The following TRAK2 variants were observed in gnomAD, a reference collection of about 807,000 sequenced individuals.
The protein encoded by TRAK2 is trafficking kinesin-binding protein 2.
TRAK2 carries 81 observed loss-of-function variants against 104.6 expected under a neutral mutation model. The observed-to-expected ratio is 0.77, with a 90% confidence interval of 0.65 to 0.93. The LOEUF (loss-of-function observed/expected upper bound fraction) is 0.93, where lower values mean the gene tolerates loss of function less well. Among genes scored for constraint, TRAK2 ranks in the 40% least tolerant of loss-of-function variants. The probability of loss-of-function intolerance (pLI) is 0.00; values close to 1 mark genes in which losing one functional copy is unlikely to be tolerated. For missense variants in TRAK2, 1,002 were observed against 1,089.0 expected, an observed-to-expected ratio of 0.92 and a Z score of 1.12; for synonymous variants, 406 against 394.4, an observed-to-expected ratio of 1.03 and a Z score of -0.35.
intron 1 of TRAK2, among the ~76,000 whole-genome samples, chr2:201,424,473 C>T (rs1208913717): frequency 6.6e-6 from 1 of 152,018 alleles, no homozygotes; most frequent in Non-Finnish European, 1.5e-5. Flanking sequence ...GCAAATCATG[C>T]ACTCGTTTGT....
At chr2:201,405,021 A>G (rs1951581231) in intron 3 of TRAK2, among the ~76,000 whole-genome samples, 2 of 152,192 alleles carry the variant, frequency 1.3e-5, no homozygotes, top group Admixed American at 6.5e-5. Context: ...AGACCATTTG[A>G]ATGACAATTT....
At chr2:201,420,211 T>C (rs1021798603) in intron 2 of TRAK2, among the ~76,000 whole-genome samples, 4 of 152,090 alleles carry the variant, frequency 2.6e-5, no homozygotes, top group African/African-American at 7.2e-5. Flanking sequence ...GAGTCCGACA[T>C]AGACAGGAAA....
intron 3 of TRAK2, among the ~76,000 whole-genome samples, chr2:201,405,952 C>T (rs1002995729): frequency 1.3e-5 from 2 of 152,166 alleles, no homozygotes; most frequent in East Asian, 1.9e-4. Context: ...CCACTATACT[C>T]CAGCCTGGGC....
intron 9 of TRAK2, among the ~76,000 whole-genome samples, chr2:201,393,248 T>C (rs928472676): frequency 6.6e-6 from 1 of 152,056 alleles, no homozygotes; most frequent in Non-Finnish European, 1.5e-5. Context: ...GGGAGGGGTG[T>C]CTTGGCCAAA....
intron 1 of TRAK2, among the ~76,000 whole-genome samples, chr2:201,436,037 A>C (rs1435496386): frequency 6.6e-6 from 1 of 152,182 alleles, no homozygotes; most frequent in Non-Finnish European, 1.5e-5. Context: ...TTACTTCACA[A>C]GGGCAGTTGC....
intron 7 of TRAK2, among the ~76,000 whole-genome samples, chr2:201,396,562 T>TAATTTATAAATTTATA (rs1951504812): frequency 6.6e-6 from 1 of 152,164 alleles, no homozygotes; most frequent in African/African-American, 2.4e-5. Flanking sequence ...TGATAAAGCT[T>TAATTTATAAATTTATA]AATTTATAAA....
chr2:201,423,198 C>G (rs544144264), intron 1 of TRAK2, among the ~76,000 whole-genome samples: 1 of 152,142 alleles, frequency 6.6e-6, no homozygotes, highest in South Asian at 2.1e-4. Context: ...CCTCAACTCC[C>G]AAAGCTCTGA....
intron 2 of TRAK2, among the ~76,000 whole-genome samples, chr2:201,415,880 AC>A (rs1951687958): frequency 6.6e-6 from 1 of 152,180 alleles, no homozygotes; most frequent in Non-Finnish European, 1.5e-5. Context: ...CAGTATAAAT[AC>A]AAAGAAAACC....
At chr2:201,388,048 A>G (rs1951408812) in intron 12 of TRAK2, 47 bp from the exon 13 acceptor site, 2 of 1,581,152 alleles carry the variant, frequency 1.3e-6, no homozygotes, top group Non-Finnish European at 1.7e-6. Flanking sequence ...GATCATCAGC[A>G]TGACCCAGAC....
In TRAK2 at chr2:201,397,535, G is replaced by A; in HGVS notation, c.736C>T (p.Gln246Ter). ...TETVTYEEKE[Q>*]QLVSDCVKEL... ...TTAACACAGTCGCTGACAAGCTGTT[G>A]TTCCTTTTCTTCATAGGTAACAGTT... The change falls in exon 7 of 16, where the codon CAA (glutamine) becomes TAA (stop). Residue 246 changes from glutamine (Q) to a stop codon, truncating the protein, a stop_gained. Coordinates refer to ENST00000332624, the MANE Select transcript of TRAK2 (RefSeq NM_015049.3). LOFTEE classifies it high-confidence loss of function. The A allele has an allele frequency of 6.2e-7, 1 of 1,612,882 alleles. No homozygotes were observed.
chr2:201,386,412 C>T lies in TRAK2; in HGVS notation c.1769G>A (p.Gly590Asp). Residue 590 changes from glycine to aspartate, a missense_variant, in exon 14 of 16, where the codon GGT (glycine) becomes GAT (aspartate). Transcript: ENST00000332624. ...NLGTILDPRPGVITKGFTQLP... is the reference protein window; with the variant it reads ...NLGTILDPRPDVITKGFTQLP... The stretch of plus-strand genomic sequence containing the variant: ...CTGGGTAAAGCCTTTAGTAATGACA[C>T]CTGGTCGTGGATCAAGGATGGTTCC... The T allele has an allele frequency of 2.5e-6, 4 of 1,614,172 alleles. No individual in the cohort carries two copies. The South Asian group carries it at 4.4e-5, about 18-fold the overall frequency.
At chr2:201,407,199 A>G (rs1461199040) in intron 3 of TRAK2, among the ~76,000 whole-genome samples, 1 of 152,210 alleles carries the variant, frequency 6.6e-6, no homozygotes, top group African/African-American at 2.4e-5. Context: ...TGTTTGCAAC[A>G]CTAGACACTG....
At position 201,407,411 on chromosome 2, in the gene TRAK2, C is replaced by T. The variant is rs142689085; in HGVS notation, c.278G>A (p.Arg93His). The T allele has an allele frequency of 3.3e-4, 540 of 1,612,856 alleles. 2 individuals are homozygous for T. The highest frequency in any genetic ancestry group is 7.1e-4 in the East Asian group (32 of 44,842). Residue 93 changes from arginine (R) to histidine (H), a missense_variant, in exon 3 of 16, where the codon CGT (arginine) becomes CAT (histidine). Transcript: ENST00000332624. ...LSPVLAEETF[R>H]YMILGTDRVE... is the part of the protein sequence containing the mutation. ...GTAAAAAAAATACTCACTCATGTAA[C>T]GGAAAGTCTCTTCAGCAAGGACTGG... is the stretch of plus-strand genomic sequence containing the variant.
chr2:201,430,495 CTTCT>C (rs766623676), intron 1 of TRAK2, among the ~76,000 whole-genome samples: 2 of 152,228 alleles, frequency 1.3e-5, no homozygotes, highest in Non-Finnish European at 2.9e-5. Flanking sequence ...AGCTTCCCGG[CTTCT>C]TTGTTTACCT....
rs2125637320 is a variant in TRAK2, at chr2:201,378,046, G to A, written c.*2497C>T. 1 of 152,262 alleles carries A rather than the reference G, an allele frequency of 6.6e-6. No individual in the cohort carries two copies. Among genetic ancestry groups the A allele is most frequent in the South Asian group, 2.1e-4 (1 of 4,830 alleles). The allele number at this position is 152,262 out of a possible 1,614,324, so 9.4% of individuals were successfully genotyped here. On this transcript the variant is annotated 3_prime_UTR_variant, in exon 16 of 16. Transcript: ENST00000332624. ...TTACTATATTTTGCAGACAATTCTA[G>A]TATTATAGAGATTATCAGGATATAC... is the stretch of plus-strand genomic sequence containing the variant.
At chr2:201,419,295 A>G (rs1486497152) in intron 2 of TRAK2, 1 of 153,076 alleles carries the variant, frequency 6.5e-6, no homozygotes, top group Admixed American at 6.5e-5. Flanking sequence ...TTGTAAATCA[A>G]GTTTTATTGA....
intron 1 of TRAK2, among the ~76,000 whole-genome samples, chr2:201,445,157 G>A (rs943620700): frequency 6.6e-6 from 1 of 152,062 alleles, no homozygotes; most frequent in East Asian, 1.9e-4. Context: ...ACCACAATAC[G>A]GGGTAGTTAA....
intron 10 of TRAK2, 94 bp from the exon 11 acceptor site, chr2:201,389,974 C>A: frequency 1.4e-5 from 13 of 903,968 alleles, no homozygotes; most frequent in Middle Eastern, 2.2e-4. Flanking sequence ...TAATAAAATA[C>A]AAGGAAATAG....
Position 201,447,100 on chromosome 2 carries a change from CT to C in TRAK2, c.-200+4249del, listed in dbSNP as rs1349269484. Among the ~76,000 whole-genome samples the C allele has an allele frequency of 2.0e-5, 3 of 152,196 alleles. No individual in the cohort carries two copies. Among genetic ancestry groups the C allele is most frequent in the Non-Finnish European group, 4.4e-5 (3 of 68,034 alleles). On this transcript the variant is annotated intron_variant, in intron 1 of 15. Coordinates refer to ENST00000332624, the MANE Select transcript of TRAK2 (RefSeq NM_015049.3). The surrounding 1 kb of genome is among the most constrained non-coding windows in gnomAD (Gnocchi z 4.1). ...GTTACCTTGTCTCCGGTCTTATTAC[CT>C]TTCATTTATCCTTTACAAGTCTTAG...
Sources: allele counts gnomAD v4.1 joint callset (sites outside exome capture counted in the v4.1 genomes callset), GRCh38; gene constraint gnomAD v4.1.1; non-coding constraint Gnocchi (gnomAD v3.1); transcripts MANE v1.5; gene names NCBI Gene and HGNC (gene_info 2026-07-23, HGNC 2026-07-21).